Variants in AMOTL2 observed in about 807,000 individuals in gnomAD.
AMOTL2 encodes angiomotin-like protein 2.
A neutral mutation model predicts 78.4 loss-of-function variants in AMOTL2; 33 were observed. The ratio of observed to expected loss-of-function variants is 0.42; its 90% CI spans 0.32 to 0.56. AMOTL2 has a LOEUF of 0.56. Among genes scored for constraint, AMOTL2 ranks in the 20% least tolerant of loss-of-function variants. The pLI is 0.12. For missense variants in AMOTL2, 983 were observed against 1,030.1 expected (o/e 0.95, Z 0.63); for synonymous variants, 422 against 428.8 (o/e 0.98, Z 0.20).
chr3:134,360,124 T>C lies in AMOTL2; in HGVS notation c.1865A>G (p.His622Arg), dbSNP rs1405098805. 1.2e-6 allele frequency: 2 copies of C among 1,609,010 alleles called. No individual in the cohort carries two copies. Among genetic ancestry groups the C allele is most frequent in the African/African-American group, 2.7e-5 (2 of 74,866 alleles). The change falls in exon 7 of 10, where the codon CAT becomes CGT. Residue 622 changes from histidine (H) to arginine (R), a missense_variant. Transcript: ENST00000249883. ...NEGLLTGGHR[H>R]QEMESRLKVL... ...GCCGAACCTGCTTTCCATCTCCTGA[T>C]GCCTGTGGCCACCAGTGAGCAGACC...
rs1271790384 is a variant in AMOTL2 at position 134,367,666 on chromosome 3, G to A, written c.872C>T (p.Pro291Leu). The A allele has an allele frequency of 1.2e-6, 2 of 1,613,474 alleles. No individual in the cohort carries two copies. The highest frequency in any genetic ancestry group is 3.3e-5 in the Admixed American group (2 of 60,020). ...GGCACTCACTGGCCCCTCCACAGCA[G>A]GTGGACTGAGGGAGCTCAGGGGGCC... is the stretch of plus-strand genomic sequence containing the variant. ...GHGPLSSLSPPAVEGPVSAQA... is the reference protein window; with the variant it reads ...GHGPLSSLSPLAVEGPVSAQA... Residue 291 changes from proline to leucine, a missense_variant, in exon 3 of 10, where the codon CCT becomes CTT. Transcript: ENST00000249883.
At chr3:134,362,123 C>T (rs1203393995) in intron 5 of AMOTL2, among the ~76,000 whole-genome samples, 1 of 152,206 alleles carries the variant, frequency 6.6e-6, no homozygotes, top group African/African-American at 2.4e-5. Context: ...ATGTCTAAAA[C>T]ACATCCACAA....
In AMOTL2 at chr3:134,367,773, G is replaced by A. The variant is rs1460744862; in HGVS notation, c.765C>T (p.Phe255=). The change falls in exon 3 of 10, where the codon TTC becomes TTT. Residue 255 remains phenylalanine, a synonymous_variant. Transcript: ENST00000249883. ...ACTGGTACTGCTGCTGCTGTTGGAG[G>A]AACACAGGAGGCACCTGGGCCTGCA... ...RILQAQVPPV[F]LQQQQQYQYL... The A allele has an allele frequency of 6.2e-7, 1 of 1,613,578 alleles. No individual in the cohort carries two copies. The highest frequency in any genetic ancestry group is 1.3e-5 in the African/African-American group (1 of 74,916).
Position 134,359,478 on chromosome 3 carries a change from G to T in AMOTL2, c.1909C>A (p.Leu637Met). 6.2e-7 allele frequency: 1 copy of T among 1,613,898 alleles called. No individual in the cohort carries two copies. The highest frequency in any genetic ancestry group is 8.5e-7 in the Non-Finnish European group (1 of 1,179,972). ...ACCTTGATCACTGCATCCTTCTCCA[G>T]GATCTGGGCATGGAGCACCTTTAAC... Reference protein sequence around the residue: ...SRLKVLHAQILEKDAVIKVLQ... With the variant: ...SRLKVLHAQIMEKDAVIKVLQ... Residue 637 changes from leucine (L) to methionine (M), a missense_variant, in exon 8 of 10, where the codon CTG (leucine) becomes ATG (methionine). Coordinates refer to ENST00000249883, the MANE Select transcript of AMOTL2 (RefSeq NM_016201.4).
rs2017375277 is a variant in AMOTL2 at position 134,361,741 on chromosome 3, T to G, written c.1346A>C (p.Glu449Ala). ...CAGCTCGGCACGCCGCCGCTGGTCC[T>G]CGATGGCGCCGCGCAGCAGTGCCAT... ...REMALLRGAI[E>A]DQRRRAELLE... is the part of the protein sequence containing the mutation. Residue 449 changes from glutamate (E) to alanine (A), a missense_variant, in exon 6 of 10, where the codon GAG becomes GCG. Coordinates refer to ENST00000249883, the MANE Select transcript of AMOTL2 (RefSeq NM_016201.4). 6.2e-7 allele frequency: 1 copy of G among 1,603,434 alleles called. No individual in the cohort carries two copies. Among genetic ancestry groups the G allele is most frequent in the African/African-American group, 1.3e-5 (1 of 74,662 alleles).
chr3:134,370,578 G>C, intron 2 of AMOTL2, 122 bp downstream of exon 2: 1 of 1,282,200 alleles, frequency 7.8e-7, no homozygotes. Flanking sequence ...TCCCTTCTCA[G>C]GTTGGAGGTG....
At chr3:134,361,449 C>T (rs1576576360) in intron 6 of AMOTL2, 63 bp downstream of exon 6, 17 of 1,490,590 alleles carry the variant, frequency 1.1e-5, no homozygotes, top group Middle Eastern at 2.3e-4. Context: ...CTACAGTCCC[C>T]GAGGAGGAAG....
intron 3 of AMOTL2, among the ~76,000 whole-genome samples, chr3:134,367,177 G>A (rs1408481956): frequency 6.6e-6 from 1 of 152,198 alleles, no homozygotes; most frequent in Non-Finnish European, 1.5e-5. Flanking sequence ...CTCTGTGGGA[G>A]GTGTCCATGG....
At chr3:134,369,104 C>T (rs530634006) in intron 2 of AMOTL2, among the ~76,000 whole-genome samples, 1 of 152,276 alleles carries the variant, frequency 6.6e-6, no homozygotes, top group East Asian at 1.9e-4. Flanking sequence ...GAGTCTAGCC[C>T]GTTTCCTAAC....
At chr3:134,372,537 A>G (rs1162169851) in intron 1 of AMOTL2, among the ~76,000 whole-genome samples, 1 of 151,286 alleles carries the variant, frequency 6.6e-6, no homozygotes, top group Non-Finnish European at 1.5e-5. Context: ...CCCAACACAC[A>G]CACACACACA....
At chr3:134,366,220 G>A in intron 4 of AMOTL2, 63 bp downstream of exon 4, 3 of 1,556,540 alleles carry the variant, frequency 1.9e-6, no homozygotes, top group Admixed American at 2.0e-5. Context: ...TTTTTCTCTA[G>A]AACAAAAGAA....
rs147275314 is a variant in AMOTL2 at position 134,367,886 on chromosome 3, T to G, written c.735-83A>C. ...GAGCAGCCCGGGGTCACCCCACTCCTAGGCATACTGGGAAGATGGTTAATT... is the reference window on the plus strand; with the variant it reads ...GAGCAGCCCGGGGTCACCCCACTCCGAGGCATACTGGGAAGATGGTTAATT... On this transcript the variant is annotated intron_variant, in intron 2 of 9. Coordinates refer to ENST00000249883, the MANE Select transcript of AMOTL2 (RefSeq NM_016201.4). The G allele has an allele frequency of 1.2e-4, 142 of 1,157,336 alleles. 1 individual carries two copies. The African/African-American group carries it at 2.0e-3, about 16-fold the overall frequency. 71.7% of individuals were successfully genotyped at this position (1,157,336 alleles called of 1,614,324 possible). A position where few individuals can be genotyped will look rare whatever the true frequency, so the allele number is the denominator to read the frequency against.
rs765329234 is a variant in AMOTL2, at chr3:134,366,375, G to T, written c.1094C>A (p.Ala365Asp). ...LSEAHESLTR[A>D]SSKREALEKT... The stretch of plus-strand genomic sequence containing the variant: ...CTCCAGGGCCTCACGCTTGGAGGAG[G>T]CTCTGGTCAGGCTCTCATGGGCCTC... The change falls in exon 4 of 10, where the codon GCC becomes GAC. Residue 365 changes from alanine (A) to aspartate (D), a missense_variant. Transcript: ENST00000249883. 6.2e-7 allele frequency: 1 copy of T among 1,614,084 alleles called. No homozygotes were observed. The highest frequency in any genetic ancestry group is 2.2e-5 in the East Asian group (1 of 44,872).
At chr3:134,367,348 G>C in intron 3 of AMOTL2, 149 bp downstream of exon 3, 1 of 913,890 alleles carries the variant, frequency 1.1e-6, no homozygotes, top group Non-Finnish European at 1.6e-6. Context: ...GGTGCATGAG[G>C]AGTGAGGGAG....
intron 3 of AMOTL2, chr3:134,366,966 T>C (rs1436242078): frequency 6.4e-6 from 1 of 155,518 alleles, no homozygotes; most frequent in Non-Finnish European, 1.4e-5. Flanking sequence ...CTGCCTGGTG[T>C]CCCAGGCATC....
rs1576573464 is a variant in AMOTL2 at position 134,359,468 on chromosome 3, T to C, written c.1919A>G (p.Asp640Gly). The change falls in exon 8 of 10, where the codon GAT becomes GGT. Residue 640 changes from aspartate to glycine, a missense_variant. Asp to Gly is a moderately conservative substitution (Grantham distance 94). Transcript: ENST00000249883. Reference sequence around the variant, plus strand: ...CTGCTGAAGGACCTTGATCACTGCATCCTTCTCCAGGATCTGGGCATGGAG... The same window carrying C: ...CTGCTGAAGGACCTTGATCACTGCACCCTTCTCCAGGATCTGGGCATGGAG... ...KVLHAQILEK[D>G]AVIKVLQQRS... The C allele has an allele frequency of 6.2e-7, 1 of 1,614,016 alleles. No individual in the cohort carries two copies. The highest frequency in any genetic ancestry group is 8.5e-7 in the Non-Finnish European group (1 of 1,179,992).
rs1434182187 is a variant in AMOTL2, at chr3:134,366,366, T to G, written c.1103A>C (p.Lys368Thr). ...AHESLTRASSKREALEKTMRN... is the reference protein window; with the variant it reads ...AHESLTRASSTREALEKTMRN... Reference sequence around the variant, plus strand: ...CATGGTCTTCTCCAGGGCCTCACGCTTGGAGGAGGCTCTGGTCAGGCTCTC... The same window carrying G: ...CATGGTCTTCTCCAGGGCCTCACGCGTGGAGGAGGCTCTGGTCAGGCTCTC... The change falls in exon 4 of 10, where the codon AAG (lysine) becomes ACG (threonine). Residue 368 changes from lysine to threonine, a missense_variant. Transcript: ENST00000249883. The G allele has an allele frequency of 6.2e-7, 1 of 1,614,116 alleles. No individual in the cohort carries two copies.
At chr3:134,373,617 A>G (rs890434054) in intron 1 of AMOTL2, 2 of 985,388 alleles carry the variant, frequency 2.0e-6, no homozygotes, top group South Asian at 4.7e-5. Context: ...GGAACCAAAG[A>G]CAGTCTCCAA....
rs150119471 is a variant in AMOTL2, at chr3:134,367,753, T to C, written c.785A>G (p.Tyr262Cys). 7.7e-4 allele frequency: 1,235 copies of C among 1,613,784 alleles called. 11 individuals carry two copies. The African/African-American group carries it at 0.015, about 19-fold the overall frequency. Reference protein sequence around the residue: ...PPVFLQQQQQYQYLQQSQEHP... With the variant: ...PPVFLQQQQQCQYLQQSQEHP... ...CTCCTGAGATTGCTGCAGGTACTGG[T>C]ACTGCTGCTGCTGTTGGAGGAACAC... The change falls in exon 3 of 10, where the codon TAC becomes TGC. Residue 262 changes from tyrosine (Y) to cysteine (C), a missense_variant. Tyr to Cys is a radical substitution (Grantham distance 194, BLOSUM62 -2). Transcript: ENST00000249883.
Sources: allele counts gnomAD v4.1 joint callset (sites outside exome capture counted in the v4.1 genomes callset), GRCh38; gene constraint gnomAD v4.1.1; transcripts MANE v1.5; gene names NCBI Gene and HGNC (gene_info 2026-07-23, HGNC 2026-07-21).